The following PLCH1 variants were observed in gnomAD, a reference collection of about 807,000 sequenced individuals.
The protein encoded by PLCH1 is phospholipase C eta 1.
Under a neutral mutation model 126.7 loss-of-function variants are expected in PLCH1, and 60 were observed. The ratio of observed to expected loss-of-function variants is 0.47; its 90% CI spans 0.38 to 0.59. The LOEUF (loss-of-function observed/expected upper bound fraction) is 0.59. PLCH1 is among the 20% of genes least tolerant of loss of function. The probability of loss-of-function intolerance (pLI) is 0.00; values close to 1 mark genes in which losing one functional copy is unlikely to be tolerated. For missense variants in PLCH1, 1,723 were observed against 2,040.0 expected (o/e 0.84, Z 2.99); for synonymous variants, 719 against 734.9 (o/e 0.98, Z 0.35).
intron 4 of PLCH1, among the ~76,000 whole-genome samples, chr3:155,590,434 C>T (rs906330875): frequency 2.6e-5 from 4 of 152,100 alleles, no homozygotes; most frequent in South Asian, 2.1e-4. Flanking sequence ...AAAAATTAGC[C>T]GGGCGTGGTG....
chr3:155,557,568 T>G (rs1310907031), intron 8 of PLCH1, among the ~76,000 whole-genome samples: 1 of 152,186 alleles, frequency 6.6e-6, no homozygotes, highest in African/African-American at 2.4e-5. Context: ...GATAACAACA[T>G]TCCCAAATGG....
chr3:155,568,579 A>G (rs940125209), intron 6 of PLCH1, among the ~76,000 whole-genome samples: 4 of 152,218 alleles, frequency 2.6e-5, no homozygotes, highest in African/African-American at 9.6e-5. Context: ...TGAAGAAATG[A>G]AATAAAATCA....
Position 155,515,014 on chromosome 3 carries a change from G to T in PLCH1, c.1471-130C>A, listed in dbSNP as rs1239533348. The T allele has an allele frequency of 5.3e-6, 3 of 565,602 alleles. No individual in the cohort carries two copies. The African/African-American group carries it at 5.7e-5, about 11-fold the overall frequency. The allele number at this position is 565,602 out of a possible 1,614,324, so 35.0% of individuals were successfully genotyped here. On this transcript the variant is annotated intron_variant, in intron 11 of 22. Coordinates refer to ENST00000460012, the MANE Select transcript of PLCH1 (RefSeq NM_014996.4). ...ATTACTTGTAAGAAATTAAGCTCAAGTTCATTGTACCATCTCAGTCTTCCC... is the reference window on the plus strand; with the variant it reads ...ATTACTTGTAAGAAATTAAGCTCAATTTCATTGTACCATCTCAGTCTTCCC...
At chr3:155,590,744 C>T (rs545454347) in intron 4 of PLCH1, among the ~76,000 whole-genome samples, 69 of 152,186 alleles carry the variant, frequency 4.5e-4, no homozygotes, top group Admixed American at 7.2e-4. Flanking sequence ...AGCGAGACTC[C>T]GCCTCAAACA....
chr3:155,741,366 G>A (rs923054693), intron 1 of PLCH1, among the ~76,000 whole-genome samples: 2 of 152,208 alleles, frequency 1.3e-5, no homozygotes, highest in African/African-American at 4.8e-5. Context: ...TCACAGCTGA[G>A]TCTGATTTTC....
chr3:155,612,927 A>G (rs528508445), intron 2 of PLCH1, among the ~76,000 whole-genome samples: 2 of 150,956 alleles, frequency 1.3e-5, no homozygotes, highest in South Asian at 4.2e-4. Context: ...AAAAAAAAAG[A>G]AAAGATCCAA....
intron 2 of PLCH1, among the ~76,000 whole-genome samples, chr3:155,610,768 T>A (rs1734972895): frequency 6.8e-6 from 1 of 146,762 alleles, no homozygotes; most frequent in East Asian, 2.0e-4. Flanking sequence ...CCTTAAAGCA[T>A]AACTCTCACA....
chr3:155,523,348 C>T (rs1721455896), intron 11 of PLCH1, among the ~76,000 whole-genome samples: 1 of 152,174 alleles, frequency 6.6e-6, no homozygotes, highest in Admixed American at 6.5e-5. Flanking sequence ...GAGTAACAAA[C>T]TATTCCATGC....
intron 2 of PLCH1, among the ~76,000 whole-genome samples, chr3:155,642,354 C>T (rs1311924076): frequency 6.6e-6 from 1 of 152,174 alleles, no homozygotes; most frequent in Non-Finnish European, 1.5e-5. Context: ...AAATTGCAGA[C>T]TCTCCCACAC....
intron 1 of PLCH1, among the ~76,000 whole-genome samples, chr3:155,740,681 T>G (rs937045319): frequency 5.3e-5 from 8 of 152,174 alleles, no homozygotes; most frequent in Admixed American, 1.3e-4. Flanking sequence ...TGAGACCTCA[T>G]GTCTAAAATT....
At chr3:155,610,443 A>T (rs928886737) in intron 2 of PLCH1, among the ~76,000 whole-genome samples, 12 of 151,788 alleles carry the variant, frequency 7.9e-5, no homozygotes, top group Non-Finnish European at 1.3e-4. Context: ...TGAAGAAAAG[A>T]ATCTTAAGAG....
intron 8 of PLCH1, among the ~76,000 whole-genome samples, chr3:155,563,633 CAA>C (rs11356535): frequency 0.019 from 2,704 of 139,288 alleles, 77 homozygotes; most frequent in African/African-American, 0.068. Flanking sequence ...ACACACATGT[CAA>C]AAAAAAAAAA....
At chr3:155,543,956 G>A (rs563359909) in intron 10 of PLCH1, among the ~76,000 whole-genome samples, 100 of 151,942 alleles carry the variant, frequency 6.6e-4, no homozygotes, top group African/African-American at 1.5e-3. Context: ...AAAGACCATC[G>A]AGGCTAGGAA....
At chr3:155,712,657 T>G (rs1049762834) in intron 1 of PLCH1, among the ~76,000 whole-genome samples, 8 of 152,156 alleles carry the variant, frequency 5.3e-5, no homozygotes, top group African/African-American at 2.4e-5. Context: ...GGAGAATTTC[T>G]TGAACCGAAG....
At chr3:155,468,557 A>T (rs1713017624) in intron 21 of PLCH1, among the ~76,000 whole-genome samples, 1 of 152,230 alleles carries the variant, frequency 6.6e-6, no homozygotes, top group Admixed American at 6.5e-5. Flanking sequence ...AAGGCATTCC[A>T]TGCTAATGGA....
downstream of PLCH1, among the ~76,000 whole-genome samples, chr3:155,479,146 C>T (rs1025563343): frequency 2.6e-5 from 4 of 151,994 alleles, no homozygotes; most frequent in Non-Finnish European, 5.9e-5. Context: ...ACAAAGATAC[C>T]GTCAAATCCT....
chr3:155,725,463 TTTGAGACAGAGTC>T (rs1266032171), intron 1 of PLCH1, among the ~76,000 whole-genome samples: 1 of 151,750 alleles, frequency 6.6e-6, no homozygotes, highest in African/African-American at 2.4e-5. Context: ...TTTTTTTTTT[TTTGAGACAGAGTC>T]TCACTCTGTC....
At chr3:155,515,726 G>GCTCTTCCAGTGCA (rs1208526230) in intron 11 of PLCH1, among the ~76,000 whole-genome samples, 11 of 152,134 alleles carry the variant, frequency 7.2e-5, no homozygotes, top group African/African-American at 2.7e-4. Flanking sequence ...TAGCTCTTCT[G>GCTCTTCCAGTGCA]CTCTTCCAGT....
intron 18 of PLCH1, among the ~76,000 whole-genome samples, chr3:155,492,402 G>A (rs188526312): frequency 1.3e-5 from 2 of 152,252 alleles, no homozygotes; most frequent in Admixed American, 6.5e-5. Context: ...TATTATTAAC[G>A]GAACATTGCC....
Sources: allele counts gnomAD v4.1 joint callset (sites outside exome capture counted in the v4.1 genomes callset), GRCh38; gene constraint gnomAD v4.1.1; transcripts MANE v1.5; gene names NCBI Gene and HGNC (gene_info 2026-07-23, HGNC 2026-07-21).